THRB: variants seen among roughly 807,000 people sequenced by gnomAD.
THRB encodes the protein thyroid hormone receptor beta, also known as nuclear receptor subfamily 1 group A member 2.
A neutral mutation model predicts 47.8 loss-of-function variants in THRB; 12 were observed. That is an observed-to-expected ratio of 0.25 (90% CI 0.16 to 0.41). The LOEUF is 0.41. Among genes scored for constraint, THRB ranks in the 10% least tolerant of loss-of-function variants. The pLI is 1.00. For synonymous variants in THRB, 218 were observed against 212.2 expected, an observed-to-expected ratio of 1.03 and a Z score of -0.24; for missense variants, 348 against 589.2, an observed-to-expected ratio of 0.59 and a Z score of 4.24.
chr3:24,165,573 G>C (rs976178189), intron 5 of THRB: 33 of 506,620 alleles, frequency 6.5e-5, no homozygotes, highest in African/African-American at 6.0e-4. Flanking sequence ...TATTTAGACC[G>C]AGGTGTCTTT....
chr3:24,426,829 T>A (rs750580255), intron 1 of THRB, among the ~76,000 whole-genome samples: 1 of 152,090 alleles, frequency 6.6e-6, no homozygotes, highest in African/African-American at 2.4e-5. Flanking sequence ...TTTATCCCCA[T>A]GATTTACACT....
chr3:24,146,563 C>A, intron 7 of THRB, 112 bp downstream of exon 7: 1 of 1,150,880 alleles, frequency 8.7e-7, no homozygotes, highest in Non-Finnish European at 1.3e-6. Context: ...AAGGTATTCC[C>A]TTCTCTGTCT....
Position 24,380,459 on chromosome 3 carries a change from C to A in THRB, c.-260-43088G>T, listed in dbSNP as rs188101459. ...CATACCAGGTATACTCCATTTACTA[C>A]TTCTTTGATTGTACCCTTCCCCCTC... On this transcript the variant is annotated intron_variant, in intron 1 of 10. Transcript: ENST00000646209. 1.2e-3 allele frequency among the ~76,000 whole-genome samples: 182 copies of A among 152,090 alleles called. 6 individuals carry two copies. Among genetic ancestry groups the A allele is most frequent in the Admixed American group, 0.011 (169 of 15,270 alleles).
intron 3 of THRB, among the ~76,000 whole-genome samples, chr3:24,255,307 G>C (rs1011786229): frequency 4.6e-5 from 7 of 152,152 alleles, no homozygotes; most frequent in Non-Finnish European, 4.4e-5. Context: ...CCTGTGCTAA[G>C]TGCTAGGCAT....
chr3:24,269,775 G>C (rs1490962793), intron 3 of THRB, among the ~76,000 whole-genome samples: 1 of 152,154 alleles, frequency 6.6e-6, no homozygotes, highest in Non-Finnish European at 1.5e-5. Flanking sequence ...ATCAGCTTCT[G>C]TGTTCCATCA....
At chr3:24,383,916 G>A (rs1224500161) in intron 1 of THRB, among the ~76,000 whole-genome samples, 3 of 152,120 alleles carry the variant, frequency 2.0e-5, no homozygotes, top group African/African-American at 7.2e-5. Flanking sequence ...TTTCTTGATG[G>A]AACTACTAGC....
rs73823209 is a variant in THRB, at chr3:24,157,244, C to T, written c.284-4754G>A. 6.9e-3 allele frequency among the ~76,000 whole-genome samples: 1,046 copies of T among 152,042 alleles called. 12 individuals are homozygous for T. The highest frequency in any genetic ancestry group is 0.024 in the African/African-American group (986 of 41,430). ...ACCCCTGCTTGGAGTCTTGGAGTCT[C>T]TTTCTTTACACTTTGCCCTCTGGCT... On this transcript the variant is annotated intron_variant, in intron 5 of 10. Coordinates refer to ENST00000646209, the MANE Select transcript of THRB (RefSeq NM_001354712.2).
chr3:24,221,199 C>T (rs1055820065), intron 4 of THRB, among the ~76,000 whole-genome samples: 8 of 152,210 alleles, frequency 5.3e-5, no homozygotes, highest in African/African-American at 1.9e-4. Flanking sequence ...ATAAAAATAA[C>T]TCTTGGCTCA....
At chr3:24,145,593 A>C (rs826385) in intron 7 of THRB, among the ~76,000 whole-genome samples, 2 of 152,114 alleles carry the variant, frequency 1.3e-5, no homozygotes, top group East Asian at 1.9e-4. Flanking sequence ...GAAAATACTC[A>C]GCCAGAGGTG....
chr3:24,274,101 T>C (rs776940520), intron 3 of THRB, among the ~76,000 whole-genome samples: 2 of 152,206 alleles, frequency 1.3e-5, no homozygotes, highest in Non-Finnish European at 2.9e-5. Flanking sequence ...CAGGCGATAC[T>C]GACCTGATCT....
chr3:24,356,731 C>T (rs189972642), intron 1 of THRB, among the ~76,000 whole-genome samples: 9 of 152,226 alleles, frequency 5.9e-5, no homozygotes, highest in African/African-American at 1.9e-4. Context: ...AAAAAAGTCA[C>T]TAGTAGGGCC....
intron 3 of THRB, among the ~76,000 whole-genome samples, chr3:24,286,789 C>G (rs1031525502): frequency 2.6e-5 from 4 of 152,088 alleles, no homozygotes; most frequent in Admixed American, 2.0e-4. Context: ...TTTTTTAATA[C>G]CTTTCTTTAC....
At chr3:24,472,128 A>AT (rs1028157201) in intron 1 of THRB, among the ~76,000 whole-genome samples, 79 of 152,182 alleles carry the variant, frequency 5.2e-4, no homozygotes, top group African/African-American at 1.7e-3. Context: ...AAATTAAGCA[A>AT]TTTTTTCTCA....
At chr3:24,151,353 G>C (rs112117435) in intron 6 of THRB, among the ~76,000 whole-genome samples, 79 of 152,286 alleles carry the variant, frequency 5.2e-4, no homozygotes, top group African/African-American at 1.8e-3. Flanking sequence ...ACGAGCAAGG[G>C]TATGAACAAA....
intron 5 of THRB, among the ~76,000 whole-genome samples, chr3:24,155,970 G>C (rs1559472118): frequency 6.6e-6 from 1 of 152,154 alleles, no homozygotes; most frequent in Non-Finnish European, 1.5e-5. Flanking sequence ...CTCAGCTCTT[G>C]TCTGCTCAGA....
intron 9 of THRB, among the ~76,000 whole-genome samples, chr3:24,131,141 A>G (rs1014299995): frequency 6.6e-6 from 1 of 152,214 alleles, no homozygotes; most frequent in Non-Finnish European, 1.5e-5. Flanking sequence ...TTTCATACAC[A>G]GTACATTGTG....
At chr3:24,436,750 T>C (rs1410594626) in intron 1 of THRB, among the ~76,000 whole-genome samples, 1 of 152,194 alleles carries the variant, frequency 6.6e-6, no homozygotes, top group African/African-American at 2.4e-5. Flanking sequence ...TCTAACCACC[T>C]GGGCCAAGCT....
chr3:24,368,565 C>T (rs545948427), intron 1 of THRB, among the ~76,000 whole-genome samples: 1 of 152,264 alleles, frequency 6.6e-6, no homozygotes, highest in African/African-American at 2.4e-5. Flanking sequence ...CTTTTGGGTG[C>T]GACAACTAGC....
chr3:24,481,301 T>C (rs1696379305), intron 1 of THRB, among the ~76,000 whole-genome samples: 1 of 147,050 alleles, frequency 6.8e-6, no homozygotes, highest in South Asian at 2.2e-4. Context: ...GACAACCTAT[T>C]CCCTTATTTA....
Sources: allele counts gnomAD v4.1 joint callset (sites outside exome capture counted in the v4.1 genomes callset), GRCh38; gene constraint gnomAD v4.1.1; transcripts MANE v1.5; gene names NCBI Gene and HGNC (gene_info 2026-07-23, HGNC 2026-07-21).